Variants in EFCAB13 observed in about 807,000 individuals in gnomAD.
EFCAB13 encodes EF-hand calcium-binding domain-containing protein 13.
EFCAB13 carries 91 observed loss-of-function variants against 110.2 expected under a neutral mutation model. The ratio of observed to expected loss-of-function variants is 0.83; its 90% confidence interval spans 0.70 to 0.98. The LOEUF is 0.98. Ranked by LOEUF, EFCAB13 falls within the 50% of genes least tolerant of loss-of-function variation. The probability of loss-of-function intolerance (pLI) is 0.00; values close to 1 mark genes in which losing one functional copy is unlikely to be tolerated. For missense variants in EFCAB13, 968 were observed against 1,119.4 expected (o/e 0.86, Z 1.93); for synonymous variants, 323 against 369.9 (o/e 0.87, Z 1.45).
At chr17:47,359,562 AG>A (rs1405050911) in intron 9 of EFCAB13, among the ~76,000 whole-genome samples, 1 of 141,298 alleles carries the variant, frequency 7.1e-6, no homozygotes, top group African/African-American at 2.6e-5. Flanking sequence ...TGTAGTGGTC[AG>A]GGAGGATATA....
At chr17:47,422,160 T>A (rs1904742788) in intron 23 of EFCAB13, among the ~76,000 whole-genome samples, 1 of 152,156 alleles carries the variant, frequency 6.6e-6, no homozygotes, top group South Asian at 2.1e-4. Flanking sequence ...AAAATAAAAA[T>A]AATTCTTCAT....
intron 4 of EFCAB13, among the ~76,000 whole-genome samples, chr17:47,329,534 A>T (rs1272202322): frequency 6.6e-6 from 1 of 152,172 alleles, no homozygotes; most frequent in Non-Finnish European, 1.5e-5. Flanking sequence ...TTACCTTTTT[A>T]TACCTACTAC....
chr17:47,371,440 A>G (rs545843849), intron 11 of EFCAB13, among the ~76,000 whole-genome samples: 1 of 152,248 alleles, frequency 6.6e-6, no homozygotes, highest in East Asian at 1.9e-4. Flanking sequence ...ATTCTTCTGC[A>G]TATGGTTATC....
chr17:47,353,845 A>T (rs1192787541), intron 9 of EFCAB13, among the ~76,000 whole-genome samples: 1 of 151,610 alleles, frequency 6.6e-6, no homozygotes, highest in Non-Finnish European at 1.5e-5. Flanking sequence ...TTGGTTTTTG[A>T]CTTACATTTT....
rs141662306 is a variant in EFCAB13, at chr17:47,383,497, T to G, written c.1582+4244T>G. ...ACATTGTGTCTTTGTTCTCATTGGT[T>G]TCAAGTAACTTATTTATTTCTGCCT... On this transcript the variant is annotated intron_variant, in intron 14 of 24. Transcript: ENST00000331493. Among the ~76,000 whole-genome samples the G allele has an allele frequency of 1.8e-3, 278 of 152,336 alleles. 2 individuals carry two copies. Among genetic ancestry groups the G allele is most frequent in the African/African-American group, 6.0e-3 (251 of 41,564 alleles).
Position 47,395,937 on chromosome 17 carries a change from G to T in EFCAB13, c.1905G>T (p.Lys635Asn). Residue 635 changes from lysine to asparagine, a missense_variant, in exon 17 of 25, where the codon AAG (lysine) becomes AAT (asparagine). Physicochemically the swap from Lys to Asn is moderately conservative, Grantham distance 94. Coordinates refer to ENST00000331493, the MANE Select transcript of EFCAB13 (RefSeq NM_152347.5). ...TLSSLNSNLKKDEFLAALELV... is the reference protein window; with the variant it reads ...TLSSLNSNLKNDEFLAALELV... ...CTAGTTTGAATAGTAATTTAAAAAA[G>T]GATGAATTTCTAGCTGCATTGGAAC... The T allele has an allele frequency of 6.2e-7, 1 of 1,608,764 alleles. No individual in the cohort carries two copies. Among genetic ancestry groups the T allele is most frequent in the Non-Finnish European group, 8.5e-7 (1 of 1,176,550 alleles).
At position 47,395,897 on chromosome 17, in the gene EFCAB13, T is replaced by C; in HGVS notation, c.1865T>C (p.Leu622Pro). ...LRKETMSVSD[L>P]WNTLSSLNSN... ...AAGGAGACGATGAGTGTTTCTGACC[T>C]GTGGAATACTCTGTCTAGTTTGAAT... The change falls in exon 17 of 25, where the codon CTG (leucine) becomes CCG (proline). Residue 622 changes from leucine to proline, a missense_variant. By Grantham distance (98) the Leu-to-Pro change is moderately conservative. Coordinates refer to ENST00000331493, the MANE Select transcript of EFCAB13 (RefSeq NM_152347.5). 1 of 1,611,298 alleles carries C rather than the reference T, an allele frequency of 6.2e-7. No individual in the cohort carries two copies. Among genetic ancestry groups the C allele is most frequent in the Non-Finnish European group, 8.5e-7 (1 of 1,178,098 alleles).
intron 4 of EFCAB13, among the ~76,000 whole-genome samples, chr17:47,329,557 GC>G (rs1277477578): frequency 5.3e-5 from 8 of 151,750 alleles, no homozygotes; most frequent in Non-Finnish European, 1.2e-4. Flanking sequence ...TGTTGATTTT[GC>G]CCTTATAAAC....
At chr17:47,350,114 G>A in intron 9 of EFCAB13, among the ~76,000 whole-genome samples, 1 of 152,076 alleles carries the variant, frequency 6.6e-6, no homozygotes, top group Non-Finnish European at 1.5e-5. Flanking sequence ...AGGTAAAAAA[G>A]ACTTCTTCAA....
intron 5 of EFCAB13, among the ~76,000 whole-genome samples, chr17:47,337,189 G>A (rs958397096): frequency 5.3e-5 from 8 of 152,238 alleles, no homozygotes; most frequent in African/African-American, 1.4e-4. Context: ...AGAAAAGGAA[G>A]GTCGTGGGAG....
chr17:47,355,037 C>T lies in EFCAB13; in HGVS notation c.662-6341C>T, dbSNP rs150305112. On this transcript the variant is annotated intron_variant, in intron 9 of 24. Coordinates refer to ENST00000331493, the MANE Select transcript of EFCAB13 (RefSeq NM_152347.5). ...AGGATTTGTTTCAAGATTTAGAGCT[C>T]CTTTTAGCAGTTCTTTTAGCAGTCA... 5.9e-3 allele frequency among the ~76,000 whole-genome samples: 901 copies of T among 152,212 alleles called. 5 individuals are homozygous for T. Among genetic ancestry groups the T allele is most frequent in the Non-Finnish European group, 9.1e-3 (620 of 68,006 alleles).
intron 16 of EFCAB13, among the ~76,000 whole-genome samples, chr17:47,394,911 T>A (rs902856042): frequency 6.6e-6 from 1 of 152,198 alleles, no homozygotes; most frequent in Admixed American, 6.5e-5. Context: ...GTATTTTATA[T>A]CTCATTGTTA....
At chr17:47,421,042 G>A (rs369983192) in intron 23 of EFCAB13, among the ~76,000 whole-genome samples, 3 of 150,200 alleles carry the variant, frequency 2.0e-5, no homozygotes, top group African/African-American at 4.9e-5. Flanking sequence ...CCCCCCGCCC[G>A]GCCAGCCACC....
chr17:47,324,210 G>A (rs2065266533), intron 1 of EFCAB13, 136 bp downstream of exon 1: 1 of 153,218 alleles, frequency 6.5e-6, no homozygotes, highest in Middle Eastern at 3.3e-3. Context: ...GTGGGGCTGG[G>A]TGAAGGAAGG....
chr17:47,381,507 T>C (rs1447261825), intron 14 of EFCAB13, among the ~76,000 whole-genome samples: 2 of 152,230 alleles, frequency 1.3e-5, no homozygotes, highest in African/African-American at 4.8e-5. Flanking sequence ...AAGTATTTAA[T>C]CCATCTTGAG....
At chr17:47,401,606 C>T (rs1295308131) in intron 17 of EFCAB13, among the ~76,000 whole-genome samples, 1 of 149,440 alleles carries the variant, frequency 6.7e-6, no homozygotes. Flanking sequence ...TATATTGTTT[C>T]CATTGATTGA....
At chr17:47,400,394 A>T (rs2143440839) in intron 17 of EFCAB13, among the ~76,000 whole-genome samples, 1 of 152,312 alleles carries the variant, frequency 6.6e-6, no homozygotes, top group African/African-American at 2.4e-5. Flanking sequence ...GATATCCAGG[A>T]AATCTTTCCT....
At chr17:47,337,217 C>T (rs992497697) in intron 5 of EFCAB13, among the ~76,000 whole-genome samples, 31 of 152,340 alleles carry the variant, frequency 2.0e-4, no homozygotes, top group African/African-American at 7.0e-4. Context: ...TTACCTTCTT[C>T]CATTAGCTTT....
chr17:47,400,674 C>T (rs558549965), intron 17 of EFCAB13, among the ~76,000 whole-genome samples: 5 of 151,320 alleles, frequency 3.3e-5, no homozygotes, highest in Admixed American at 3.3e-4. Flanking sequence ...CCTCCCCTCC[C>T]CTTCCCTCTC....
Sources: gnomAD v4.1 joint callset for allele counts (sites outside exome capture counted in the v4.1 genomes callset) on GRCh38, gnomAD v4.1.1 for gene constraint, MANE v1.5 for transcripts, NCBI Gene and HGNC (gene_info 2026-07-23, HGNC 2026-07-21) for gene names.